The following DDX3X variants were observed in gnomAD, a reference collection of about 807,000 sequenced individuals.
DDX3X encodes DEAD-box helicase 3 X-linked.
A neutral mutation model predicts 52.7 loss-of-function variants in DDX3X; 4 were observed. The ratio of observed to expected loss-of-function variants is 0.08; its 90% CI spans 0.04 to 0.17. The LOEUF is 0.17. Among genes scored for constraint, DDX3X ranks in the 10% least tolerant of loss-of-function variants. DDX3X has a pLI of 1.00. For synonymous variants in DDX3X, 192 were observed against 178.1 expected, an observed-to-expected ratio of 1.08 and a Z score of -0.62; for missense variants, 222 against 548.6, an observed-to-expected ratio of 0.40 and a Z score of 5.95.
intron 5 of DDX3X, among the ~76,000 whole-genome samples, chrX:41,361,634 C>T (rs530972403): frequency 1.1e-4 from 12 of 111,567 alleles, no homozygotes; most frequent in Admixed American, 3.8e-4. Flanking sequence ...TTTCCATGTG[C>T]GCACACTTCT....
Position 41,334,974 on chromosome X carries a change from G to C in DDX3X, c.45+677G>C, listed in dbSNP as rs2063741265. 2.0e-5 allele frequency: 3 copies of C among 151,404 alleles called. No individual in the cohort carries two copies. The South Asian group carries it at 4.4e-4, about 22-fold the overall frequency. The allele number at this position is 151,404 out of a possible 1,213,427, so 12.5% of individuals were successfully genotyped here. A position where few individuals can be genotyped will look rare whatever the true frequency, so the allele number is the denominator to read the frequency against. ...CGCTGGCTTTTTCGCTTCAGCCCAG[G>C]TTCCGCAGGGTCCGGGGGCCCTGCG... On this transcript the variant is annotated intron_variant, in intron 1 of 16. Coordinates refer to ENST00000644876, the MANE Select transcript of DDX3X (RefSeq NM_001356.5).
chrX:41,339,024 A>G lies in DDX3X; in HGVS notation c.104-12A>G, dbSNP rs1226228952. On this transcript the variant is annotated splice_polypyrimidine_tract_variant and intron_variant, in intron 2 of 16. Coordinates refer to ENST00000644876, the MANE Select transcript of DDX3X (RefSeq NM_001356.5). ...CATTTAATTAATTTTATATATATAT[A>G]TATTTTTTTAGAAGGGCGCTATATT... 3 of 877,295 alleles carry G rather than the reference A, an allele frequency of 3.4e-6. No homozygotes were observed. The highest frequency in any genetic ancestry group is 4.0e-5 in the East Asian group (1 of 24,713). 72.3% of individuals were successfully genotyped at this position (877,295 alleles called of 1,213,427 possible).
chrX:41,341,998 C>G (rs17146026), intron 4 of DDX3X: 3,984 of 153,479 alleles, frequency 0.026, 171 homozygotes, highest in African/African-American at 0.12. Context: ...GTCCTGTGTC[C>G]TGATTTTTCG....
At chrX:41,339,303 C>T (rs1180410713) in intron 3 of DDX3X, 1 of 195,341 alleles carries the variant, frequency 5.1e-6, no homozygotes, top group Non-Finnish European at 9.7e-6. Flanking sequence ...ACTGTTCTGA[C>T]GCCAAGGGCA....
At chrX:41,336,642 C>T (rs765896756) in intron 1 of DDX3X, 1 of 111,160 alleles carries the variant, frequency 9.0e-6, no homozygotes, top group Non-Finnish European at 1.9e-5. Flanking sequence ...TGGTGGCGCA[C>T]CCCTGTAATC....
chrX:41,334,986 C>T (rs1217612735), intron 1 of DDX3X: 2 of 116,187 alleles, frequency 1.7e-5, no homozygotes, highest in Non-Finnish European at 3.3e-5. Flanking sequence ...TCCGCAGGGT[C>T]CGGGGGCCCT....
At position 41,342,835 on chromosome X, in the gene DDX3X, G is replaced by A; in HGVS notation, c.542G>A (p.Ser181Asn). The change falls in exon 6 of 17, where the codon AGT (serine) becomes AAT (asparagine). Residue 181 changes from serine (S) to asparagine (N), a missense_variant and splice_region_variant. Ser to Asn is a conservative substitution (Grantham distance 46). Transcript: ENST00000644876. Reference protein sequence around the residue: ...TGNNCPPHIESFSDVEMGEII... With the variant: ...TGNNCPPHIENFSDVEMGEII... ...AACAACTGTCCTCCACATATTGAAA[G>A]TGTGAGTATTTTTGCTTGACTTTTT... 5.0e-6 allele frequency: 6 copies of A among 1,195,687 alleles called. No homozygotes were observed. The highest frequency in any genetic ancestry group is 6.8e-6 in the Non-Finnish European group (6 of 880,942).
At chrX:41,342,972 C>A in intron 6 of DDX3X, 136 bp downstream of exon 6, 2 of 583,894 alleles carry the variant, frequency 3.4e-6, no homozygotes, top group South Asian at 3.1e-5. Flanking sequence ...AAGTTGAGTT[C>A]AGTGTCACCA....
In DDX3X at chrX:41,347,759, A is replaced by G; in HGVS notation, c.*40A>G. On this transcript the variant is annotated 3_prime_UTR_variant, in exon 17 of 17. Coordinates refer to ENST00000644876, the MANE Select transcript of DDX3X (RefSeq NM_001356.5). ...AGGTCACCCTGCCAAACAAGCTAAT[A>G]TGGAAACCACATGTAACTTAGCCAG... is the stretch of plus-strand genomic sequence containing the variant. The G allele has an allele frequency of 4.3e-6, 4 of 936,139 alleles. No individual in the cohort carries two copies. The highest frequency in any genetic ancestry group is 2.1e-5 in the South Asian group (1 of 47,557). 77.1% of individuals were successfully genotyped at this position (936,139 alleles called of 1,213,427 possible).
intron 12 of DDX3X, chrX:41,345,936 A>G (rs1035848964): frequency 3.4e-6 from 1 of 297,376 alleles, no homozygotes; most frequent in African/African-American, 2.8e-5. Context: ...GTGCAGTGGT[A>G]CAGTGCATGT....
chrX:41,335,272 G>C (rs1241379999), intron 1 of DDX3X: 2 of 111,185 alleles, frequency 1.8e-5, no homozygotes, highest in Non-Finnish European at 3.8e-5. Context: ...GGTTGTGGTA[G>C]TGTCTTCGTG....
chrX:41,336,626 C>T (rs1320626495), intron 1 of DDX3X: 2 of 111,383 alleles, frequency 1.8e-5, no homozygotes, highest in East Asian at 2.8e-4. Flanking sequence ...AAAAAGTAGC[C>T]TAGCGTGGTG....
chrX:41,344,422 T>TG lies in DDX3X; in HGVS notation c.1025+23_1025+24insG, dbSNP rs758606903. 7.5e-6 allele frequency: 9 copies of TG among 1,200,199 alleles called. No individual in the cohort carries two copies. In the South Asian group the frequency reaches 8.9e-5, roughly 12 times the overall value. ...CAAGTATGTTTTATTTTGTTTTTGT[T>TG]TTTTTGTTTTGTTTTGTTTTGTTCT... On this transcript the variant is annotated intron_variant, in intron 10 of 16. Transcript: ENST00000644876.
chrX:41,364,268 T>C, intron 5 of DDX3X: 1 of 296,898 alleles, frequency 3.4e-6, no homozygotes, highest in Non-Finnish European at 5.9e-6. Flanking sequence ...CTTTTTTCTC[T>C]CCTAGAACTT....
intron 5 of DDX3X, among the ~76,000 whole-genome samples, chrX:41,356,758 C>T (rs765465108): frequency 1.6e-3 from 179 of 109,413 alleles, no homozygotes; most frequent in African/African-American, 5.5e-3. Flanking sequence ...CCACCGTGCC[C>T]GGCCGGCATC....
At chrX:41,360,378 A>T (rs1369804311) in intron 5 of DDX3X, among the ~76,000 whole-genome samples, 3 of 94,986 alleles carry the variant, frequency 3.2e-5, no homozygotes, top group African/African-American at 1.3e-4. Flanking sequence ...ACTCTGTCTC[A>T]AAAAAAAAAA....
At chrX:41,333,837 AG>A (rs1239207731), upstream of DDX3X, 1 of 142,481 alleles carries the variant, frequency 7.0e-6, no homozygotes, top group Non-Finnish European at 1.4e-5. Context: ...CAGGCGTCTT[AG>A]CCGGTGGAAA....
chrX:41,339,736 T>G (rs1275035727), intron 3 of DDX3X: 1 of 110,676 alleles, frequency 9.0e-6, no homozygotes, highest in African/African-American at 3.3e-5. Context: ...AACCAAAGAT[T>G]AGGAGGGAAG....
rs1424396370 is a variant in DDX3X at position 41,349,281 on chromosome X, A to G, written c.*1562A>G. The G allele has an allele frequency of 1.8e-5, 2 of 112,193 alleles. No homozygotes were observed. The highest frequency in any genetic ancestry group is 3.8e-5 in the Non-Finnish European group (2 of 53,235). 9.2% of individuals were successfully genotyped at this position (112,193 alleles called of 1,213,427 possible). On this transcript the variant is annotated 3_prime_UTR_variant, in exon 17 of 17. Transcript: ENST00000644876. ...TACATTTTGCCCATAACTTTTTACAAAGTACTTCTTTTATTGCACATTCAG... is the reference window on the plus strand; with the variant it reads ...TACATTTTGCCCATAACTTTTTACAGAGTACTTCTTTTATTGCACATTCAG...
Sources: gnomAD v4.1 joint callset for allele counts (sites outside exome capture counted in the v4.1 genomes callset) on GRCh38, gnomAD v4.1.1 for gene constraint, MANE v1.5 for transcripts, NCBI Gene and HGNC (gene_info 2026-07-23, HGNC 2026-07-21) for gene names.